MVB12B: variants seen among roughly 807,000 people sequenced by gnomAD.
MVB12B encodes ESCRT-I complex subunit MVB12B.
In MVB12B, 16 loss-of-function variants were observed where a neutral mutation model predicts 41.6. The observed-to-expected ratio is 0.38, with a 90% confidence interval of 0.26 to 0.58. The LOEUF (loss-of-function observed/expected upper bound fraction) is 0.58. Among genes scored for constraint, MVB12B ranks in the 20% least tolerant of loss-of-function variants. The pLI is 0.62. For missense variants in MVB12B, 274 were observed against 380.2 expected (o/e 0.72, Z 2.32); for synonymous variants, 133 against 139.7 (o/e 0.95, Z 0.34).
At chr9:126,499,983 G>A (rs547562485) in intron 9 of MVB12B, among the ~76,000 whole-genome samples, 4 of 152,208 alleles carry the variant, frequency 2.6e-5, no homozygotes, top group African/African-American at 9.6e-5. Context: ...GGGTCCCCAC[G>A]ACAGCCCCTC....
intron 9 of MVB12B, among the ~76,000 whole-genome samples, chr9:126,495,728 G>C (rs1833815557): frequency 1.3e-5 from 2 of 152,104 alleles, no homozygotes; most frequent in African/African-American, 4.8e-5. Flanking sequence ...TGAGGGTCTG[G>C]AATTGTATCT....
At chr9:126,435,776 G>T (rs1223750832) in intron 7 of MVB12B, among the ~76,000 whole-genome samples, 1 of 152,062 alleles carries the variant, frequency 6.6e-6, no homozygotes, top group African/African-American at 2.4e-5. Context: ...GCACCCAGAG[G>T]CTCGAAGGCC....
chr9:126,328,477 A>G (rs1443247962), intron 1 of MVB12B, among the ~76,000 whole-genome samples: 1 of 152,178 alleles, frequency 6.6e-6, no homozygotes, highest in Non-Finnish European at 1.5e-5. Context: ...GGTTATGTGC[A>G]GGGAGTTTAG....
At chr9:126,430,869 T>C (rs1832311517) in intron 7 of MVB12B, among the ~76,000 whole-genome samples, 1 of 152,234 alleles carries the variant, frequency 6.6e-6, no homozygotes, top group Non-Finnish European at 1.5e-5. Flanking sequence ...ACAATGCTAC[T>C]TTGGGCAATG....
At position 126,395,076 on chromosome 9, in the gene MVB12B, C is replaced by T. The variant is rs1177127370; in HGVS notation, c.540-499C>T. ...CTCGAGTTTTGTAGTTTGAAGATGACTCCCAAACTGACCCTGAGAATGAGT... is the reference window on the plus strand; with the variant it reads ...CTCGAGTTTTGTAGTTTGAAGATGATTCCCAAACTGACCCTGAGAATGAGT... On this transcript the variant is annotated intron_variant, in intron 5 of 9. Transcript: ENST00000361171. This position sits in a 1 kb window ranked among gnomAD's most constrained non-coding sequence, Gnocchi z 4.9. Among the ~76,000 whole-genome samples, 1 of 152,100 alleles carries T rather than the reference C, an allele frequency of 6.6e-6. No homozygotes were observed. Among genetic ancestry groups the T allele is most frequent in the African/African-American group, 2.4e-5 (1 of 41,402 alleles).
At chr9:126,380,347 A>G (rs1830599603) in intron 2 of MVB12B, among the ~76,000 whole-genome samples, 1 of 152,196 alleles carries the variant, frequency 6.6e-6, no homozygotes, top group African/African-American at 2.4e-5. Context: ...TCTAGGTCAC[A>G]GGGGCTTTGA....
chr9:126,336,305 A>G (rs1396054204), intron 1 of MVB12B, among the ~76,000 whole-genome samples: 1 of 152,234 alleles, frequency 6.6e-6, no homozygotes, highest in African/African-American at 2.4e-5. Context: ...CAACTGTGAT[A>G]CAGTAGCTCT....
chr9:126,487,932 A>G (rs772380638), intron 9 of MVB12B, among the ~76,000 whole-genome samples: 3 of 152,234 alleles, frequency 2.0e-5, no homozygotes, highest in Non-Finnish European at 2.9e-5. Flanking sequence ...TTTTTCATTT[A>G]ACCTGAGGAC....
At chr9:126,341,598 A>G (rs1829446442) in intron 2 of MVB12B, among the ~76,000 whole-genome samples, 1 of 152,258 alleles carries the variant, frequency 6.6e-6, no homozygotes. Context: ...CTGGTCCAGC[A>G]GAAGAAGCCC....
chr9:126,368,004 T>C (rs1830230665), intron 2 of MVB12B, among the ~76,000 whole-genome samples: 1 of 152,210 alleles, frequency 6.6e-6, no homozygotes, highest in Admixed American at 6.5e-5. Context: ...TTAGTGATGA[T>C]GGCACATGCT....
At chr9:126,489,057 TGTGG>T (rs1833678765) in intron 9 of MVB12B, among the ~76,000 whole-genome samples, 1 of 152,092 alleles carries the variant, frequency 6.6e-6, no homozygotes, top group Admixed American at 6.5e-5. Context: ...GTCACTTGGT[TGTGG>T]GTGGGTGTCC....
intron 7 of MVB12B, among the ~76,000 whole-genome samples, chr9:126,464,611 G>A (rs1026765570): frequency 6.6e-6 from 1 of 152,290 alleles, no homozygotes; most frequent in African/African-American, 2.4e-5. Flanking sequence ...TCTGGGAGAG[G>A]GCCCGGAGGA....
At chr9:126,418,760 T>G (rs547779008) in intron 6 of MVB12B, among the ~76,000 whole-genome samples, 1 of 152,054 alleles carries the variant, frequency 6.6e-6, no homozygotes, top group South Asian at 2.1e-4. Flanking sequence ...TGCTCACCCC[T>G]CCTCCCTGCT....
Position 126,386,576 on chromosome 9 carries a change from C to CGT in MVB12B, c.330_331dup (p.Leu111CysfsTer2), listed in dbSNP as rs1463766514. ...TTCTTCCCAAGAGTCATCTGGGGAA[C>CGT]GTGTTAGTAGATATGAAGCTCATTG... is the stretch of plus-strand genomic sequence containing the variant. On this transcript the variant is annotated frameshift_variant, in exon 4 of 10. Transcript: ENST00000361171. LOFTEE classifies it high-confidence loss of function. The surrounding 1 kb of genome is among the most constrained non-coding windows in gnomAD (Gnocchi z 4.3). 6.2e-7 allele frequency: 1 copy of CGT among 1,613,078 alleles called. No homozygotes were observed. Among genetic ancestry groups the CGT allele is most frequent in the African/African-American group, 1.3e-5 (1 of 74,882 alleles).
intron 7 of MVB12B, among the ~76,000 whole-genome samples, chr9:126,435,812 G>C (rs10987276): frequency 2.6e-5 from 4 of 152,198 alleles, no homozygotes. Flanking sequence ...CTTTTCTCAG[G>C]GTTGGAGAGA....
intron 7 of MVB12B, among the ~76,000 whole-genome samples, chr9:126,446,938 C>CTTTTTTTTTTTTTTTTTT (rs33991689): frequency 1.9e-5 from 2 of 104,322 alleles, no homozygotes; most frequent in African/African-American, 3.9e-5. Context: ...TTTTAACTTT[C>CTTTTTTTTTTTTTTTTTT]TTTTTTTTTT....
intron 7 of MVB12B, among the ~76,000 whole-genome samples, chr9:126,456,133 C>T (rs937732498): frequency 2.6e-5 from 4 of 152,078 alleles, no homozygotes; most frequent in Middle Eastern, 3.2e-3. Flanking sequence ...TTAGGTGATC[C>T]GCCCACCTTG....
At chr9:126,466,200 C>T (rs1192744185) in intron 7 of MVB12B, among the ~76,000 whole-genome samples, 2 of 152,194 alleles carry the variant, frequency 1.3e-5, no homozygotes, top group Admixed American at 1.3e-4. Flanking sequence ...TGGCCCCACT[C>T]CCTTGTCTGT....
intron 7 of MVB12B, among the ~76,000 whole-genome samples, chr9:126,423,410 C>T (rs764251478): frequency 3.9e-5 from 6 of 152,288 alleles, no homozygotes; most frequent in Middle Eastern, 3.4e-3. Context: ...TTCCTCGCCC[C>T]GCAGCTTTGA....
Sources: allele counts gnomAD v4.1 joint callset (sites outside exome capture counted in the v4.1 genomes callset), GRCh38; gene constraint gnomAD v4.1.1; non-coding constraint Gnocchi (gnomAD v3.1); transcripts MANE v1.5; gene names NCBI Gene and HGNC (gene_info 2026-07-23, HGNC 2026-07-21).